The following KPRP variants were observed in gnomAD, a reference collection of about 807,000 sequenced individuals.
KPRP encodes keratinocyte proline-rich protein.
For synonymous variants in KPRP, 282 were observed against 276.9 expected (o/e 1.02, Z -0.18); for missense variants, 820 against 746.4 (o/e 1.10, Z -1.15).
exon 1 of KPRP, chr1:152,759,873 G>A (rs369695131): frequency 7.2e-5 from 116 of 1,613,948 alleles, no homozygotes; most frequent in Middle Eastern, 4.9e-4. Context: ...CCCAGGTGAA[G>A]GGCCAGGCTG....
chr1:152,760,304 C>T, exon 1 of KPRP: 1 of 1,614,178 alleles, frequency 6.2e-7, no homozygotes, highest in Non-Finnish European at 8.5e-7. Flanking sequence ...ACCCAGGGCT[C>T]CTATGGGAGC....
upstream of KPRP, among the ~76,000 whole-genome samples, chr1:152,758,153 C>G (rs745396330): frequency 1.3e-5 from 2 of 152,140 alleles, no homozygotes; most frequent in Non-Finnish European, 2.9e-5. Flanking sequence ...AAGGGAGAAG[C>G]TAGGCACCAG....
exon 1 of KPRP, chr1:152,761,063 G>A: frequency 6.2e-7 from 1 of 1,614,000 alleles, no homozygotes; most frequent in Non-Finnish European, 8.5e-7. Flanking sequence ...GAGCCCTGCA[G>A]GGAGACTTGG....
chr1:152,758,441 G>T (rs1317850181), upstream of KPRP, among the ~76,000 whole-genome samples: 3 of 152,172 alleles, frequency 2.0e-5, no homozygotes, highest in East Asian at 5.8e-4. Flanking sequence ...AAAATAGAAG[G>T]TTTGAACCCT....
At chr1:152,761,073 G>C in exon 1 of KPRP, 1 of 1,614,004 alleles carries the variant, frequency 6.2e-7, no homozygotes, top group South Asian at 1.1e-5. Flanking sequence ...GGGAGACTTG[G>C]CGCAGCCCCA....
At chr1:152,759,291 G>T (rs1651030858), upstream of KPRP, among the ~76,000 whole-genome samples, 1 of 152,172 alleles carries the variant, frequency 6.6e-6, no homozygotes. Flanking sequence ...GAGACGAAAG[G>T]AGAATCCTTT....
exon 1 of KPRP, chr1:152,760,003 T>A (rs1390020869): frequency 6.2e-7 from 1 of 1,614,200 alleles, no homozygotes; most frequent in Non-Finnish European, 8.5e-7. Flanking sequence ...TGCTCCAGTT[T>A]GTTATACAGA....
chr1:152,760,416 G>T (rs757916101), exon 1 of KPRP: 1 of 1,613,916 alleles, frequency 6.2e-7, no homozygotes, highest in African/African-American at 1.3e-5. Flanking sequence ...GACGTTTTGA[G>T]CCCTGCTCCA....
At chr1:152,759,942 C>T in exon 1 of KPRP, 1 of 1,614,204 alleles carries the variant, frequency 6.2e-7, no homozygotes, top group Non-Finnish European at 8.5e-7. Context: ...CTGAGGTGTC[C>T]TACGTGCAGT....
chr1:152,760,833 T>C (rs1416316319), exon 1 of KPRP: 1 of 1,614,126 alleles, frequency 6.2e-7, no homozygotes, highest in Non-Finnish European at 8.5e-7. Flanking sequence ...CATGCATAAG[T>C]CTAGAACCAC....
chr1:152,761,070 T>C, exon 1 of KPRP: 2 of 1,614,022 alleles, frequency 1.2e-6, no homozygotes, highest in Non-Finnish European at 1.7e-6. Context: ...GCAGGGAGAC[T>C]TGGCGCAGCC....
At chr1:152,759,546 T>G (rs1651038366), upstream of KPRP, 1 of 1,585,666 alleles carries the variant, frequency 6.3e-7, no homozygotes, top group Non-Finnish European at 8.6e-7. Context: ...CTGACCCTGG[T>G]CTCTTTGCCC....
exon 1 of KPRP, chr1:152,760,119 ATTCTCC>A (rs778203855): frequency 1.2e-6 from 2 of 1,614,112 alleles, no homozygotes; most frequent in Non-Finnish European, 1.7e-6. Flanking sequence ...CTCAGGGAAG[ATTCTCC>A]ACCCAGTGCC....
exon 1 of KPRP, chr1:152,761,559 C>A: frequency 3.1e-6 from 2 of 654,120 alleles, no homozygotes; most frequent in Admixed American, 3.4e-5. Context: ...TCGGCTCTAG[C>A]CAGACCAGTC....
upstream of KPRP, among the ~76,000 whole-genome samples, chr1:152,758,856 CAG>C (rs1651019611): frequency 6.6e-6 from 1 of 152,212 alleles, no homozygotes. Flanking sequence ...CCATGGTGGT[CAG>C]AGTCTTTCCA....
chr1:152,758,184 A>G (rs993257878), upstream of KPRP, among the ~76,000 whole-genome samples: 3 of 152,150 alleles, frequency 2.0e-5, no homozygotes, highest in African/African-American at 7.2e-5. Context: ...GGGTGCATTA[A>G]CCTGAGGAGA....
Position 152,760,424 on chromosome 1 carries a change from C to T in KPRP, c.836C>T (p.Ser279Phe), listed in dbSNP as rs755363727. Residue 279 changes from serine to phenylalanine, a missense_variant, in exon 1 of 1, where the codon TCC (serine) becomes TTC (phenylalanine). Physicochemically the swap from Ser to Phe is radical, Grantham distance 155 (BLOSUM62 -2). Transcript: ENST00000606109. ...CCACCAAGACGTTTTGAGCCCTGCT[C>T]CAGCAGCTACCTGCCACTAAGACCC... The T allele has an allele frequency of 1.4e-5, 22 of 1,614,026 alleles. No individual in the cohort carries two copies. The highest frequency in any genetic ancestry group is 1.8e-5 in the Non-Finnish European group (21 of 1,180,026).
At chr1:152,759,845 A>G (rs1263475208) in exon 1 of KPRP, 2 of 1,614,034 alleles carry the variant, frequency 1.2e-6, no homozygotes, top group East Asian at 4.5e-5. Flanking sequence ...GGCCAGGCTC[A>G]ATGTCAGTCT....
At chr1:152,760,338 G>A (rs1177892015) in exon 1 of KPRP, 1 of 1,614,112 alleles carries the variant, frequency 6.2e-7, no homozygotes, top group East Asian at 2.2e-5. Context: ...ACCGCTCTCG[G>A]AGCACCAGCA....
Sources: gnomAD v4.1 joint callset for allele counts (sites outside exome capture counted in the v4.1 genomes callset) on GRCh38, gnomAD v4.1.1 for gene constraint, MANE v1.5 for transcripts, NCBI Gene and HGNC (gene_info 2026-07-23, HGNC 2026-07-21) for gene names.